BRAP: variants seen among roughly 807,000 people sequenced by gnomAD.
BRAP encodes BRCA1 associated protein.
A neutral mutation model predicts 73.4 loss-of-function variants in BRAP; 42 were observed. That is an observed-to-expected ratio of 0.57 (90% CI 0.45 to 0.74). BRAP has a LOEUF of 0.74. Ranked by LOEUF, BRAP falls within the 30% of genes least tolerant of loss-of-function variation. The pLI, the probability that BRAP is intolerant of heterozygous loss-of-function variation, is 0.00. For missense variants in BRAP, 593 were observed against 751.4 expected (o/e 0.79, Z 2.46); for synonymous variants, 255 against 267.4 (o/e 0.95, Z 0.45).
At chr12:111,679,081 A>T (rs1887495814) in intron 4 of BRAP, 70 bp downstream of exon 4, 1 of 1,128,034 alleles carries the variant, frequency 8.9e-7, no homozygotes, top group African/African-American at 1.6e-5. Context: ...AATCACACAC[A>T]GCTATCATAC....
At chr12:111,648,977 G>A (rs1221768779) in intron 11 of BRAP, among the ~76,000 whole-genome samples, 1 of 151,902 alleles carries the variant, frequency 6.6e-6, no homozygotes, top group Non-Finnish European at 1.5e-5. Context: ...CTCCAGCCTG[G>A]GTGACAGGGA....
Position 111,649,422 on chromosome 12 carries a change from G to A in BRAP, c.1415+517C>T, listed in dbSNP as rs554665458. Among the ~76,000 whole-genome samples, 5 of 152,284 alleles carry A rather than the reference G, an allele frequency of 3.3e-5. No individual in the cohort carries two copies. In the South Asian group the frequency reaches 1.0e-3, roughly 32 times the overall value. ...CCTGCCTCAGCCTCCCAAAGTGCTG[G>A]GATTACAGGCGTAAGCCACCATGCC... On this transcript the variant is annotated intron_variant, in intron 11 of 11. Transcript: ENST00000419234.
chr12:111,657,680 C>A (rs1839059363), intron 9 of BRAP, among the ~76,000 whole-genome samples: 1 of 152,000 alleles, frequency 6.6e-6, no homozygotes, highest in African/African-American at 2.4e-5. Context: ...GAGATCGAGA[C>A]CACCCTGGTT....
At chr12:111,649,889 ACTGT>A (rs1243268052) in intron 11 of BRAP, 46 bp downstream of exon 11, 9 of 1,303,560 alleles carry the variant, frequency 6.9e-6, no homozygotes, top group African/African-American at 1.5e-5. Context: ...AATGAAAGAA[ACTGT>A]CTGTTTATAG....
intron 7 of BRAP, among the ~76,000 whole-genome samples, chr12:111,659,624 A>T (rs1886668693): frequency 6.6e-6 from 1 of 152,218 alleles, no homozygotes; most frequent in African/African-American, 2.4e-5. Context: ...ACTGCACTCC[A>T]GCCTGGGTGA....
chr12:111,672,852 C>T (rs1887232693), intron 4 of BRAP, 78 bp from the exon 5 acceptor site: 33 of 1,115,438 alleles, frequency 3.0e-5, no homozygotes, highest in Non-Finnish European at 4.2e-5. Context: ...ATATGCATGG[C>T]TTTATTCATT....
chr12:111,661,861 AC>A (rs906353444), intron 6 of BRAP, among the ~76,000 whole-genome samples: 31 of 151,602 alleles, frequency 2.0e-4, no homozygotes, highest in Admixed American at 1.8e-3. Flanking sequence ...GTAGGCATGC[AC>A]CCCCATGCCC....
rs1361777414 is a variant in BRAP, at chr12:111,683,261, T to G, written c.129A>C (p.Ser43=). ...ACTTGCCTTCTAAACAGGCTACAGC[T>G]GAGGCTAGTGTCGTCTTTTTTATCT... is the stretch of plus-strand genomic sequence containing the variant. ...DEEIKKTTLA[S]AVACLEGKSP... The change falls in exon 2 of 12, where the codon TCA becomes TCC. Residue 43 remains serine, a synonymous_variant. Coordinates refer to ENST00000419234, the MANE Select transcript of BRAP (RefSeq NM_006768.5). The G allele has an allele frequency of 6.2e-7, 1 of 1,613,734 alleles. No homozygotes were observed.
At chr12:111,661,946 T>C (rs1053727568) in intron 6 of BRAP, among the ~76,000 whole-genome samples, 1 of 152,050 alleles carries the variant, frequency 6.6e-6, no homozygotes, top group African/African-American at 2.4e-5. Flanking sequence ...AGTACTGGGA[T>C]AACAGGCATG....
At chr12:111,681,859 G>A (rs1261885934) in intron 2 of BRAP, 24 bp from the exon 3 acceptor site, 1 of 1,584,212 alleles carries the variant, frequency 6.3e-7, no homozygotes, top group Non-Finnish European at 8.6e-7. Context: ...AAAAATAGCA[G>A]ATTATAAATG....
chr12:111,671,419 G>A (rs113169767), intron 5 of BRAP, among the ~76,000 whole-genome samples: 2,382 of 152,114 alleles, frequency 0.016, 73 homozygotes, highest in African/African-American at 0.054. Flanking sequence ...GCATAGTGGC[G>A]TATGCCTGTA....
chr12:111,667,645 G>A (rs1297227535), intron 5 of BRAP, among the ~76,000 whole-genome samples: 1 of 132,492 alleles, frequency 7.5e-6, no homozygotes, highest in African/African-American at 3.0e-5. Context: ...GATGCAGTGA[G>A]CTGAGATCAC....
chr12:111,665,733 G>A lies in BRAP; in HGVS notation c.802C>T (p.Leu268=), dbSNP rs1426407912. 1.2e-6 allele frequency: 2 copies of A among 1,614,262 alleles called. No homozygotes were observed. Among genetic ancestry groups the A allele is most frequent in the South Asian group, 1.1e-5 (1 of 91,088 alleles). ...LTELPKCTVC[L]ERMDESVNGI... ...TTCACAGACTCGTCCATGCGCTCCAGACACACCGTGCACTTGGGGAGTTCA... is the reference window on the plus strand; with the variant it reads ...TTCACAGACTCGTCCATGCGCTCCAAACACACCGTGCACTTGGGGAGTTCA... Residue 268 remains leucine (L), a synonymous_variant, in exon 6 of 12, where the codon CTG becomes TTG. Transcript: ENST00000419234. This position sits in a 1 kb window ranked among gnomAD's most constrained non-coding sequence, Gnocchi z 4.3.
exon 1 of BRAP, chr12:111,685,952 ACAACCTCCACTT>A: frequency 2.4e-6 from 1 of 409,542 alleles, no homozygotes; most frequent in Non-Finnish European, 4.2e-6. Context: ...CGGAGCCACA[ACAACCTCCACTT>A]CCGCCTCCCG....
chr12:111,670,745 C>T (rs1033847861), intron 5 of BRAP, among the ~76,000 whole-genome samples: 12 of 152,098 alleles, frequency 7.9e-5, no homozygotes, highest in Admixed American at 3.9e-4. Context: ...CCACCTTGGC[C>T]TTCTAAAGTG....
intron 4 of BRAP, among the ~76,000 whole-genome samples, chr12:111,677,441 T>G (rs1360825283): frequency 6.6e-6 from 1 of 152,226 alleles, no homozygotes; most frequent in Non-Finnish European, 1.5e-5. Flanking sequence ...GCCACACTCT[T>G]GCTTGTCATT....
At chr12:111,651,673 T>C (rs570714956) in intron 10 of BRAP, among the ~76,000 whole-genome samples, 5 of 148,188 alleles carry the variant, frequency 3.4e-5, no homozygotes, top group Admixed American at 3.4e-4. Context: ...AGTCTTGTTC[T>C]GTCACCCAGG....
chr12:111,671,590 G>A (rs1000832603), intron 5 of BRAP, among the ~76,000 whole-genome samples: 14 of 151,576 alleles, frequency 9.2e-5, no homozygotes, highest in African/African-American at 2.9e-4. Flanking sequence ...AGGCACAGTC[G>A]CTCACACTTG....
chr12:111,654,929 C>CAG (rs1405265500), intron 10 of BRAP, among the ~76,000 whole-genome samples: 1 of 152,208 alleles, frequency 6.6e-6, no homozygotes, highest in African/African-American at 2.4e-5. Context: ...CAATTATACA[C>CAG]AGATGCTTAC....
Sources: allele counts gnomAD v4.1 joint callset (sites outside exome capture counted in the v4.1 genomes callset), GRCh38; gene constraint gnomAD v4.1.1; non-coding constraint Gnocchi (gnomAD v3.1); transcripts MANE v1.5; gene names NCBI Gene and HGNC (gene_info 2026-07-23, HGNC 2026-07-21).